The following EPB41 variants were observed in gnomAD, a reference collection of about 807,000 sequenced individuals.
EPB41 encodes erythrocyte membrane protein band 4.1.
A neutral mutation model predicts 108.0 loss-of-function variants in EPB41; 65 were observed. The ratio of observed to expected loss-of-function variants is 0.60; its 90% CI spans 0.49 to 0.74. The LOEUF is 0.74. Ranked by LOEUF, EPB41 falls within the 30% of genes least tolerant of loss-of-function variation. EPB41 has a pLI of 0.00. For missense variants in EPB41, 875 were observed against 1,037.0 expected, an observed-to-expected ratio of 0.84 and a Z score of 2.15; for synonymous variants, 336 against 358.9, an observed-to-expected ratio of 0.94 and a Z score of 0.72.
intron 1 of EPB41, among the ~76,000 whole-genome samples, chr1:28,944,285 G>A (rs999828414): frequency 3.9e-5 from 6 of 152,064 alleles, no homozygotes; most frequent in African/African-American, 1.4e-4. Flanking sequence ...TAGGAAGAAT[G>A]AATAAGACCT....
Position 29,022,156 on chromosome 1 carries a change from CAT to C in EPB41, c.1124+3717_1124+3718del, listed in dbSNP as rs1010798514. Among the ~76,000 whole-genome samples the C allele has an allele frequency of 2.6e-5, 4 of 152,050 alleles. No individual in the cohort carries two copies. The South Asian group carries it at 6.2e-4, about 24-fold the overall frequency. ...TTTAATGAATGTGTTTTTTTATACA[CAT>C]ATTATATCAAGGTTTGGAAGATTTT... On this transcript the variant is annotated intron_variant, in intron 7 of 20. Coordinates refer to ENST00000343067, the MANE Select transcript of EPB41 (RefSeq NM_001376013.1).
chr1:29,104,299 G>A (rs1183281241), intron 17 of EPB41, among the ~76,000 whole-genome samples: 1 of 152,102 alleles, frequency 6.6e-6, no homozygotes, highest in Non-Finnish European at 1.5e-5. Flanking sequence ...TAAGTAAGCC[G>A]GAGCACCATT....
At chr1:29,103,198 C>T (rs566490949) in intron 17 of EPB41, among the ~76,000 whole-genome samples, 2 of 152,270 alleles carry the variant, frequency 1.3e-5, no homozygotes, top group African/African-American at 2.4e-5. Context: ...CATGAACCAC[C>T]GCACCCTGCG....
chr1:28,948,531 AAG>A, intron 1 of EPB41, among the ~76,000 whole-genome samples: 1 of 151,556 alleles, frequency 6.6e-6, no homozygotes, highest in East Asian at 1.9e-4. Flanking sequence ...AAAAGAAAGA[AAG>A]AAAGTGAAGC....
intron 16 of EPB41, chr1:29,069,104 C>A: frequency 8.5e-7 from 1 of 1,170,544 alleles, no homozygotes; most frequent in East Asian, 3.2e-5. Flanking sequence ...ACTTTATTTT[C>A]TTTCAAAAAT....
intron 1 of EPB41, among the ~76,000 whole-genome samples, chr1:28,929,414 TAG>T (rs1432942508): frequency 1.3e-5 from 2 of 151,676 alleles, no homozygotes; most frequent in African/African-American, 2.4e-5. Context: ...TTTTTTTTAG[TAG>T]AGACGGGGTT....
chr1:29,003,417 T>C (rs899376118), intron 4 of EPB41, among the ~76,000 whole-genome samples: 1 of 152,202 alleles, frequency 6.6e-6, no homozygotes, highest in Non-Finnish European at 1.5e-5. Context: ...CCTTCCTAAG[T>C]TATTTTCTTC....
chr1:28,902,044 C>T (rs983688846), intron 1 of EPB41, among the ~76,000 whole-genome samples: 7 of 152,150 alleles, frequency 4.6e-5, no homozygotes, highest in East Asian at 1.9e-4. Context: ...TAGAACAGTG[C>T]GTGGTGCATA....
Position 28,929,265 on chromosome 1 carries a change from G to A in EPB41, c.-8+14497G>A, listed in dbSNP as rs12026447. On this transcript the variant is annotated intron_variant, in intron 1 of 20. Transcript: ENST00000343067. The stretch of plus-strand genomic sequence containing the variant: ...TTTTGAGACAGAGTCTTGCTCTGTC[G>A]CCCAGGCTGGAGTGCAGTGGCGCTG... Among the ~76,000 whole-genome samples the A allele has an allele frequency of 2.0e-4, 30 of 147,922 alleles. No homozygotes were observed. The East Asian group carries it at 5.7e-3, about 28-fold the overall frequency.
chr1:28,892,797 C>CTTTTTTTTTTTTTT (rs995428093), intron 1 of EPB41, among the ~76,000 whole-genome samples: 2 of 87,234 alleles, frequency 2.3e-5, no homozygotes, highest in Non-Finnish European at 4.3e-5. Flanking sequence ...TTCCCAGGTT[C>CTTTTTTTTTTTTTT]TTTTTTTTTT....
At chr1:28,978,253 C>A (rs1375764525) in intron 1 of EPB41, among the ~76,000 whole-genome samples, 2 of 151,402 alleles carry the variant, frequency 1.3e-5, no homozygotes, top group Admixed American at 1.3e-4. Context: ...TAGATGTTAT[C>A]CTCTAACTCT....
At position 28,969,437 on chromosome 1, in the gene EPB41, G is replaced by A. The variant is rs552229340; in HGVS notation, c.-7-17994G>A. 1.6e-4 allele frequency among the ~76,000 whole-genome samples: 25 copies of A among 152,054 alleles called. No individual in the cohort carries two copies. In the South Asian group the frequency reaches 3.7e-3, roughly 23 times the overall value. On this transcript the variant is annotated intron_variant, in intron 1 of 20. Transcript: ENST00000343067. ...TAGAATTTATTTGTAGTAAGCTTAC[G>A]TGTTTGACTGTGACCTCTTTTCTCA... is the stretch of plus-strand genomic sequence containing the variant.
chr1:29,109,558 A>G (rs1276024254), intron 18 of EPB41, 121 bp downstream of exon 18: 1 of 808,316 alleles, frequency 1.2e-6, no homozygotes, highest in East Asian at 2.6e-5. Context: ...CTAGTAAGCC[A>G]CATTATTCAA....
At position 29,117,012 on chromosome 1, in the gene EPB41, T is replaced by C. The variant is rs145534734; in HGVS notation, c.*200T>C. On this transcript the variant is annotated 3_prime_UTR_variant, in exon 21 of 21. Transcript: ENST00000343067. ...CTCATTGATCCTTTTGAAGAGCTTTTTCTATATTAGGATATCAGAATTGTT... is the reference window on the plus strand; with the variant it reads ...CTCATTGATCCTTTTGAAGAGCTTTCTCTATATTAGGATATCAGAATTGTT... 39 of 152,366 alleles carry C rather than the reference T, an allele frequency of 2.6e-4. No individual in the cohort carries two copies. The East Asian group carries it at 6.7e-3, about 26-fold the overall frequency. 9.4% of individuals were successfully genotyped at this position (152,366 alleles called of 1,614,324 possible). A position where few individuals can be genotyped will look rare whatever the true frequency, so the allele number is the denominator to read the frequency against.
At chr1:29,046,605 A>G (rs1643295365) in intron 11 of EPB41, among the ~76,000 whole-genome samples, 1 of 152,242 alleles carries the variant, frequency 6.6e-6, no homozygotes, top group African/African-American at 2.4e-5. Flanking sequence ...TGCTGAATAC[A>G]AGCATTAATA....
chr1:29,072,007 T>C (rs761220181), intron 16 of EPB41: 2 of 152,192 alleles, frequency 1.3e-5, no homozygotes, highest in African/African-American at 2.4e-5. Flanking sequence ...CTTCAACATC[T>C]ACCAATATTG....
chr1:28,947,756 C>T (rs773962029), intron 1 of EPB41, among the ~76,000 whole-genome samples: 3 of 152,048 alleles, frequency 2.0e-5, no homozygotes, highest in Non-Finnish European at 4.4e-5. Context: ...ACCCAGGAGT[C>T]GGAGGTTGCA....
chr1:29,043,630 G>A (rs1260269658), intron 11 of EPB41, among the ~76,000 whole-genome samples: 2 of 152,196 alleles, frequency 1.3e-5, no homozygotes, highest in Non-Finnish European at 2.9e-5. Flanking sequence ...AATAAGTGAG[G>A]TCGGAGAAGT....
At chr1:29,012,303 A>G (rs2096516716) in intron 5 of EPB41, among the ~76,000 whole-genome samples, 2 of 152,166 alleles carry the variant, frequency 1.3e-5, no homozygotes, top group African/African-American at 2.4e-5. Context: ...TTCCTTTGAA[A>G]TTGTTCTGAA....
Sources: allele counts gnomAD v4.1 joint callset (sites outside exome capture counted in the v4.1 genomes callset), GRCh38; gene constraint gnomAD v4.1.1; transcripts MANE v1.5; gene names NCBI Gene and HGNC (gene_info 2026-07-23, HGNC 2026-07-21).